The following TAOK3 variants were observed in gnomAD, a reference collection of about 807,000 sequenced individuals.
TAOK3 encodes serine/threonine-protein kinase TAO3.
Under a neutral mutation model 120.4 loss-of-function variants are expected in TAOK3, and 40 were observed. That is an observed-to-expected ratio of 0.33 (90% CI 0.26 to 0.43). The LOEUF (loss-of-function observed/expected upper bound fraction) is 0.43. TAOK3 is among the 20% of genes least tolerant of loss of function. The pLI, the probability that TAOK3 is intolerant of heterozygous loss-of-function variation, is 1.00. For missense variants in TAOK3, 821 were observed against 1,112.1 expected (o/e 0.74, Z 3.72); for synonymous variants, 355 against 387.5 (o/e 0.92, Z 0.99).
intron 3 of TAOK3, among the ~76,000 whole-genome samples, chr12:118,249,794 T>C (rs575129190): frequency 6.6e-6 from 1 of 152,268 alleles, no homozygotes; most frequent in East Asian, 1.9e-4. Flanking sequence ...ATCACACCAC[T>C]GTACTCCAGC....
At chr12:118,288,613 C>G (rs1276597811) in intron 1 of TAOK3, among the ~76,000 whole-genome samples, 1 of 152,112 alleles carries the variant, frequency 6.6e-6, no homozygotes, top group Non-Finnish European at 1.5e-5. Context: ...GTAGCCCAAG[C>G]AGACTAAGAT....
intron 1 of TAOK3, among the ~76,000 whole-genome samples, chr12:118,339,051 A>C (rs1249372824): frequency 6.6e-6 from 1 of 152,082 alleles, no homozygotes; most frequent in African/African-American, 2.4e-5. Flanking sequence ...TGAGAGAGGC[A>C]AAGGATGAAG....
intron 14 of TAOK3, among the ~76,000 whole-genome samples, chr12:118,185,118 C>A (rs573444107): frequency 2.0e-5 from 3 of 150,602 alleles, no homozygotes; most frequent in South Asian, 2.1e-4. Context: ...AAAAAAAAAA[C>A]TAGCTGTATC....
chr12:118,357,481 A>T (rs2045445949), intron 1 of TAOK3, among the ~76,000 whole-genome samples: 1 of 152,250 alleles, frequency 6.6e-6, no homozygotes, highest in African/African-American at 2.4e-5. Flanking sequence ...ACAATAAACT[A>T]GAGAAGGTTA....
chr12:118,270,162 A>T (rs964341934), intron 1 of TAOK3, among the ~76,000 whole-genome samples: 1 of 152,172 alleles, frequency 6.6e-6, no homozygotes, highest in Non-Finnish European at 1.5e-5. Context: ...TCAAATATCT[A>T]TTCGGCTTCT....
intron 2 of TAOK3, among the ~76,000 whole-genome samples, chr12:118,260,358 C>T (rs1192322896): frequency 6.6e-6 from 1 of 152,086 alleles, no homozygotes; most frequent in Non-Finnish European, 1.5e-5. Flanking sequence ...AACTGTGTTC[C>T]AGAACAAAGT....
chr12:118,353,509 G>C (rs562875596), intron 1 of TAOK3, among the ~76,000 whole-genome samples: 1 of 152,124 alleles, frequency 6.6e-6, no homozygotes, highest in South Asian at 2.1e-4. Flanking sequence ...GAAGAAGTTA[G>C]ATTTAACATA....
intron 1 of TAOK3, among the ~76,000 whole-genome samples, chr12:118,338,682 G>A (rs1020370968): frequency 2.0e-5 from 3 of 150,714 alleles, no homozygotes; most frequent in Non-Finnish European, 4.4e-5. Flanking sequence ...AGCTACTCAG[G>A]AGGCTGAGGC....
intron 11 of TAOK3, among the ~76,000 whole-genome samples, chr12:118,206,931 C>A (rs1189065312): frequency 6.6e-6 from 1 of 152,044 alleles, no homozygotes; most frequent in African/African-American, 2.4e-5. Flanking sequence ...TTCTCCAAAC[C>A]CCTACAACTG....
At chr12:118,170,685 C>T (rs1451389867) in intron 17 of TAOK3, among the ~76,000 whole-genome samples, 4 of 152,134 alleles carry the variant, frequency 2.6e-5, no homozygotes, top group Non-Finnish European at 5.9e-5. Context: ...ATCGCTTGAA[C>T]CTAGGAGGTG....
chr12:118,177,666 G>T (rs1217056432), intron 15 of TAOK3, among the ~76,000 whole-genome samples: 2 of 151,760 alleles, frequency 1.3e-5, no homozygotes. Context: ...TCGACTAAAA[G>T]TACAAAATTA....
intron 1 of TAOK3, among the ~76,000 whole-genome samples, chr12:118,347,062 G>A (rs1037436240): frequency 6.6e-5 from 10 of 152,036 alleles, no homozygotes; most frequent in African/African-American, 1.2e-4. Flanking sequence ...GCGGTGGCAC[G>A]ATCATGATCC....
rs551823511 is a variant in TAOK3, at chr12:118,344,497, C to G, written c.-194+28151G>C. ...TCATATTTTGAGAATGATGGAAATC[C>G]CACCTAAGAAATGTGGTATCAACAA... On this transcript the variant is annotated intron_variant, in intron 1 of 20. Transcript: ENST00000392533. Among the ~76,000 whole-genome samples, 3 of 151,930 alleles carry G rather than the reference C, an allele frequency of 2.0e-5. No individual in the cohort carries two copies. The East Asian group carries it at 5.8e-4, about 29-fold the overall frequency.
At position 118,308,953 on chromosome 12, in the gene TAOK3, A is replaced by AAAAAAAAG. The variant is rs1555248964; in HGVS notation, c.-193-42195_-193-42194insCTTTTTTT. Among the ~76,000 whole-genome samples the AAAAAAAAG allele has an allele frequency of 1.2e-4, 18 of 148,108 alleles. 1 individual carries two copies. The highest frequency in any genetic ancestry group is 2.0e-4 in the Admixed American group (3 of 14,820). On this transcript the variant is annotated intron_variant, in intron 1 of 20. Transcript: ENST00000392533. ...CTCCAAAAAAAAAAAAAAAAAAAAA[A>AAAAAAAAG]AAAAAAGCCTGTATGGTTGTAATTA...
intron 11 of TAOK3, 40 bp from the exon 12 acceptor site, chr12:118,201,503 A>C (rs372224296): frequency 8.2e-6 from 13 of 1,581,898 alleles, no homozygotes; most frequent in Non-Finnish European, 1.1e-5. Flanking sequence ...GATAATGAAG[A>C]AATGTCCTTA....
chr12:118,202,875 G>T (rs992657136), intron 11 of TAOK3, among the ~76,000 whole-genome samples: 1 of 150,502 alleles, frequency 6.6e-6, no homozygotes, highest in African/African-American at 2.4e-5. Context: ...CACCTCCTGG[G>T]TTCAGGTAAT....
At chr12:118,347,114 C>T (rs2044893692) in intron 1 of TAOK3, among the ~76,000 whole-genome samples, 1 of 152,198 alleles carries the variant, frequency 6.6e-6, no homozygotes, top group Non-Finnish European at 1.5e-5. Context: ...AAGTGATCCT[C>T]CACCTCAGCC....
At chr12:118,282,901 G>A (rs988071311) in intron 1 of TAOK3, among the ~76,000 whole-genome samples, 5 of 152,174 alleles carry the variant, frequency 3.3e-5, no homozygotes, top group Non-Finnish European at 1.5e-5. Context: ...CACAGCAGAA[G>A]GAAGAACACT....
rs67635506 is a variant in TAOK3, at chr12:118,197,682, CTTTTTT to C, written c.1194+1363_1194+1368del. ...CAAAAAGACAGCCCAGCAAAACCTT[CTTTTTT>C]TTTTTTTTTTTTTTTTTGAGACGGA... On this transcript the variant is annotated intron_variant, in intron 13 of 20. Transcript: ENST00000392533. 9.1e-3 allele frequency among the ~76,000 whole-genome samples: 823 copies of C among 90,798 alleles called. 6 individuals carry two copies. Among genetic ancestry groups the C allele is most frequent in the African/African-American group, 0.033 (763 of 23,282 alleles). The allele number at this position is 90,798 out of a possible 152,430, so 59.6% of individuals were successfully genotyped here.
Sources: allele counts gnomAD v4.1 joint callset (sites outside exome capture counted in the v4.1 genomes callset), GRCh38; gene constraint gnomAD v4.1.1; transcripts MANE v1.5; gene names NCBI Gene and HGNC (gene_info 2026-07-23, HGNC 2026-07-21).